The following MEIG1 variants were observed in gnomAD, a reference collection of about 807,000 sequenced individuals.
The protein encoded by MEIG1 is meiosis/spermiogenesis associated 1.
A neutral mutation model predicts 11.3 loss-of-function variants in MEIG1; 12 were observed. The observed-to-expected ratio is 1.07, with a 90% CI of 0.68 to 1.73. The LOEUF (loss-of-function observed/expected upper bound fraction) is 1.73, where lower values mean the gene tolerates loss of function less well. Ranked by LOEUF, MEIG1 falls within the 40% of genes most tolerant of loss-of-function variation. The pLI is 0.00. For missense variants in MEIG1, 119 were observed against 104.9 expected (o/e 1.13, Z -0.59); for synonymous variants, 41 against 33.2 (o/e 1.24, Z -0.81).
chr10:14,958,839 T>C (rs1425932917), upstream of MEIG1, among the ~76,000 whole-genome samples: 1 of 151,748 alleles, frequency 6.6e-6, no homozygotes, highest in Non-Finnish European at 1.5e-5. Context: ...GAGCTTGCAG[T>C]GAGCCGAGAT....
upstream of MEIG1, among the ~76,000 whole-genome samples, chr10:14,958,608 G>A (rs1842974662): frequency 6.6e-6 from 1 of 152,136 alleles, no homozygotes; most frequent in South Asian, 2.1e-4. Context: ...TTCAAAACAT[G>A]TAAATTGGCC....
chr10:14,963,184 C>T (rs559524132), intron 1 of MEIG1, among the ~76,000 whole-genome samples: 2 of 150,748 alleles, frequency 1.3e-5, no homozygotes, highest in African/African-American at 2.4e-5. Context: ...GCAACCTCTG[C>T]CCCCCAGGTT....
At chr10:14,985,603 T>C (rs1367231310) in intron 1 of MEIG1, among the ~76,000 whole-genome samples, 1 of 151,942 alleles carries the variant, frequency 6.6e-6, no homozygotes, top group Non-Finnish European at 1.5e-5. Flanking sequence ...GCGGTGTACA[T>C]CGTGTGTGTA....
In MEIG1 at chr10:14,964,585, GTA is replaced by G. The variant is rs1240178960; in HGVS notation, c.-29-1832_-29-1831del. On this transcript the variant is annotated intron_variant, in intron 1 of 2. Transcript: ENST00000407572. ...TAAGAGTGTGTGTGTGTGTGTGTGT[GTA>G]TATATATATATATATATATATACAC... Among the ~76,000 whole-genome samples the G allele has an allele frequency of 3.1e-3, 288 of 92,966 alleles. 1 individual carries two copies. Among genetic ancestry groups the G allele is most frequent in the East Asian group, 0.012 (45 of 3,656 alleles). The allele number at this position is 92,966 out of a possible 152,430, so 61.0% of individuals were successfully genotyped here.
At chr10:14,971,451 G>A (rs1274741612) in intron 2 of MEIG1, among the ~76,000 whole-genome samples, 2 of 152,014 alleles carry the variant, frequency 1.3e-5, no homozygotes, top group African/African-American at 4.8e-5. Context: ...GCAGAGGCTG[G>A]AGGATCCCCT....
chr10:14,972,918 T>C (rs41301093), downstream of MEIG1: 4,037 of 265,888 alleles, frequency 0.015, 47 homozygotes, highest in Middle Eastern at 0.04. Context: ...CAGGCTGGAG[T>C]GCAGTGGTGC....
chr10:14,983,152 G>C (rs1029515569), intron 1 of MEIG1, among the ~76,000 whole-genome samples: 1 of 152,074 alleles, frequency 6.6e-6, no homozygotes, highest in Non-Finnish European at 1.5e-5. Context: ...TATCGCAGTA[G>C]CTGTACACCC....
At chr10:14,987,040 T>C (rs370744804) in intron 2 of MEIG1, 71 of 604,450 alleles carry the variant, frequency 1.2e-4, no homozygotes, top group East Asian at 5.7e-4. Flanking sequence ...GACTGGGTAG[T>C]GCAGAGGGAG....
At chr10:14,957,089 G>C (rs1842959858), upstream of MEIG1, among the ~76,000 whole-genome samples, 1 of 152,174 alleles carries the variant, frequency 6.6e-6, no homozygotes, top group Non-Finnish European at 1.5e-5. Context: ...AAAAATCCCT[G>C]TGGACGTGGG....
chr10:14,957,013 C>A (rs528206788), upstream of MEIG1, among the ~76,000 whole-genome samples: 4 of 152,256 alleles, frequency 2.6e-5, no homozygotes, highest in South Asian at 8.3e-4. Context: ...AAGATGGCAC[C>A]ACTGCACTCC....
chr10:14,956,880 C>T (rs1842958372), upstream of MEIG1, among the ~76,000 whole-genome samples: 1 of 152,112 alleles, frequency 6.6e-6, no homozygotes, highest in Non-Finnish European at 1.5e-5. Flanking sequence ...CATGACAAAA[C>T]CCCAGCTCTA....
chr10:14,985,261 G>T (rs1266469424), intron 1 of MEIG1, among the ~76,000 whole-genome samples: 2 of 151,754 alleles, frequency 1.3e-5, no homozygotes, highest in African/African-American at 2.4e-5. Flanking sequence ...GGTCACGGGG[G>T]TATACACCCT....
downstream of MEIG1, among the ~76,000 whole-genome samples, chr10:14,976,255 A>G (rs1843208748): frequency 6.6e-6 from 1 of 152,168 alleles, no homozygotes; most frequent in Non-Finnish European, 1.5e-5. Flanking sequence ...ACCGGGGTAT[A>G]CACCCTGCTG....
At chr10:14,965,026 T>C (rs1347592520) in intron 1 of MEIG1, among the ~76,000 whole-genome samples, 2 of 152,070 alleles carry the variant, frequency 1.3e-5, no homozygotes, top group African/African-American at 4.8e-5. Context: ...ACCTCAGGTC[T>C]CCTGACTTCA....
intron 1 of MEIG1, among the ~76,000 whole-genome samples, chr10:14,982,810 T>C (rs1047126416): frequency 6.6e-6 from 1 of 152,002 alleles, no homozygotes; most frequent in African/African-American, 2.4e-5. Flanking sequence ...CAGATAATAA[T>C]GAAAATTCAT....
At chr10:14,984,939 C>G (rs199905386) in intron 1 of MEIG1, among the ~76,000 whole-genome samples, 1 of 151,746 alleles carries the variant, frequency 6.6e-6, no homozygotes, top group African/African-American at 2.4e-5. Flanking sequence ...TGTCACAGGG[C>G]GTGTAGACCC....
intron 1 of MEIG1, among the ~76,000 whole-genome samples, chr10:14,982,406 A>C (rs559955872): frequency 9.1e-4 from 137 of 151,104 alleles, no homozygotes; most frequent in African/African-American, 3.2e-3. Flanking sequence ...TGCTTGGAGG[A>C]CTCTTTGCCT....
chr10:14,985,360 G>A (rs1290174742), intron 1 of MEIG1, among the ~76,000 whole-genome samples: 1 of 152,006 alleles, frequency 6.6e-6, no homozygotes, highest in East Asian at 1.9e-4. Context: ...ATATCCTAAA[G>A]GGACGTTACT....
At chr10:14,972,998 T>C (rs1843169924), downstream of MEIG1, 1 of 204,186 alleles carries the variant, frequency 4.9e-6, no homozygotes, top group Non-Finnish European at 1.0e-5. Context: ...CCCAAGTAGC[T>C]AGAATTACAG....
Sources: gnomAD v4.1 joint callset for allele counts (sites outside exome capture counted in the v4.1 genomes callset) on GRCh38, gnomAD v4.1.1 for gene constraint, MANE v1.5 for transcripts, NCBI Gene and HGNC (gene_info 2026-07-23, HGNC 2026-07-21) for gene names.